The following WNT7A variants were observed in gnomAD, a reference collection of about 807,000 sequenced individuals.
The protein encoded by WNT7A is Wnt family member 7A.
A neutral mutation model predicts 28.2 loss-of-function variants in WNT7A; 16 were observed. The ratio of observed to expected loss-of-function variants is 0.57; its 90% confidence interval spans 0.38 to 0.86. The LOEUF (loss-of-function observed/expected upper bound fraction) is 0.86, where lower values mean the gene tolerates loss of function less well. Among genes scored for constraint, WNT7A ranks in the 40% least tolerant of loss-of-function variants. The probability of loss-of-function intolerance (pLI) is 0.00; values close to 1 mark genes in which losing one functional copy is unlikely to be tolerated. For missense variants in WNT7A, 411 were observed against 489.7 expected, an observed-to-expected ratio of 0.84 and a Z score of 1.52; for synonymous variants, 190 against 195.9, an observed-to-expected ratio of 0.97 and a Z score of 0.25.
intron 3 of WNT7A, among the ~76,000 whole-genome samples, chr3:13,840,429 G>C (rs1021832421): frequency 8.5e-5 from 13 of 152,188 alleles, no homozygotes; most frequent in African/African-American, 3.1e-4. Context: ...GCATAAATAG[G>C]TGCTTAATAA....
chr3:13,879,692 G>C (rs1007831598), intron 1 of WNT7A, 54 bp downstream of exon 1: 1 of 1,583,308 alleles, frequency 6.3e-7, no homozygotes, highest in Admixed American at 1.7e-5. Flanking sequence ...CTCCCTCCCC[G>C]GGCCGTGCCA....
At position 13,825,259 on chromosome 3, in the gene WNT7A, T is replaced by C. The variant is rs181153318; in HGVS notation, c.571-5836A>G. On this transcript the variant is annotated intron_variant, in intron 3 of 3. Transcript: ENST00000285018. ...CTGCCATGTCAGGAAAAAAGTCAGC[T>C]CCTCACAAAGCCTTCCCTGATTGTC... 5.3e-5 allele frequency among the ~76,000 whole-genome samples: 8 copies of C among 152,260 alleles called. No individual in the cohort carries two copies. The East Asian group carries it at 1.5e-3, about 29-fold the overall frequency.
chr3:13,876,116 C>A (rs1695106307), intron 1 of WNT7A, among the ~76,000 whole-genome samples: 1 of 152,192 alleles, frequency 6.6e-6, no homozygotes, highest in Admixed American at 6.5e-5. Context: ...ATCAAGAGGA[C>A]TTCCTTGAGG....
intron 1 of WNT7A, among the ~76,000 whole-genome samples, chr3:13,879,210 T>C (rs2124883060): frequency 6.6e-6 from 1 of 152,308 alleles, no homozygotes; most frequent in East Asian, 1.9e-4. Flanking sequence ...GGTTTATGTT[T>C]TTGCCAGCGA....
chr3:13,868,926 AGAAGGAAGGAAGGAAAAGAGAGAGAATG>A (rs1694978041), intron 2 of WNT7A, among the ~76,000 whole-genome samples: 1 of 147,034 alleles, frequency 6.8e-6, no homozygotes. Context: ...AAGGAAGGAA[AGAAGGAAGGAAGGAAAAGAGAGAGAATG>A]GAAGGAAGGA....
rs1000308996 is a variant in WNT7A, at chr3:13,818,217, C to G, written c.*727G>C. 11 of 115,044 alleles carry G rather than the reference C, an allele frequency of 9.6e-5. No homozygotes were observed. Among genetic ancestry groups the G allele is most frequent in the African/African-American group, 3.1e-4 (11 of 36,038 alleles). The allele number at this position is 115,044 out of a possible 1,614,324, so 7.1% of individuals were successfully genotyped here. ...GCTGGGAATTTATTATTTTTCCTCT[C>G]TATTTATTCCAAACTGGATTTTTCT... On this transcript the variant is annotated 3_prime_UTR_variant, in exon 4 of 4. Coordinates refer to ENST00000285018, the MANE Select transcript of WNT7A (RefSeq NM_004625.4).
At chr3:13,822,859 T>A (rs1281730677) in intron 3 of WNT7A, among the ~76,000 whole-genome samples, 1 of 152,180 alleles carries the variant, frequency 6.6e-6, no homozygotes, top group African/African-American at 2.4e-5. Flanking sequence ...CCCTAAGCAA[T>A]GGCCCTAGTG....
At chr3:13,827,223 T>G (rs1340881192) in intron 3 of WNT7A, among the ~76,000 whole-genome samples, 4 of 152,160 alleles carry the variant, frequency 2.6e-5, no homozygotes, top group Admixed American at 6.5e-5. Flanking sequence ...TCAAGAGGGT[T>G]GCTGGTGAGG....
chr3:13,836,459 T>A (rs185037806), intron 3 of WNT7A, among the ~76,000 whole-genome samples: 3 of 152,346 alleles, frequency 2.0e-5, no homozygotes, highest in Admixed American at 1.3e-4. Flanking sequence ...AGGATTTCAC[T>A]GGTCTCAGGT....
chr3:13,837,714 C>A (rs917966354), intron 3 of WNT7A, among the ~76,000 whole-genome samples: 7 of 152,200 alleles, frequency 4.6e-5, no homozygotes, highest in African/African-American at 1.7e-4. Flanking sequence ...TGCTCTGGAA[C>A]ATGGAGGAAG....
intron 2 of WNT7A, among the ~76,000 whole-genome samples, chr3:13,859,149 T>C (rs567127078): frequency 7.9e-5 from 12 of 152,342 alleles, no homozygotes; most frequent in Admixed American, 2.0e-4. Flanking sequence ...CATTTCACAA[T>C]GTCCTGAAGG....
At position 13,845,083 on chromosome 3, in the gene WNT7A, C is replaced by A. The variant is rs372235721; in HGVS notation, c.570+9449G>T. Among the ~76,000 whole-genome samples the A allele has an allele frequency of 4.9e-3, 742 of 152,346 alleles. 4 individuals are homozygous for A. Among genetic ancestry groups the A allele is most frequent in the Middle Eastern group, 0.017 (5 of 294 alleles). ...GCTCTCAGGGCCTCGCCATGCTGCC[C>A]CCTCCCCATCTCAGGTGAGTTTCAA... On this transcript the variant is annotated intron_variant, in intron 3 of 3. Transcript: ENST00000285018.
chr3:13,821,341 C>T (rs1329498534), intron 3 of WNT7A, among the ~76,000 whole-genome samples: 1 of 152,218 alleles, frequency 6.6e-6, no homozygotes, highest in Non-Finnish European at 1.5e-5. Flanking sequence ...CAACCTGGTA[C>T]ACGTATGTTA....
At chr3:13,842,459 G>A (rs1323082495) in intron 3 of WNT7A, among the ~76,000 whole-genome samples, 1 of 152,130 alleles carries the variant, frequency 6.6e-6, no homozygotes, top group African/African-American at 2.4e-5. Flanking sequence ...TGCAATGTCA[G>A]GGAAGAGATG....
chr3:13,822,891 T>C (rs907980103), intron 3 of WNT7A, among the ~76,000 whole-genome samples: 15 of 152,202 alleles, frequency 9.9e-5, no homozygotes, highest in African/African-American at 2.9e-4. Context: ...TCCTGTGTCC[T>C]GGATGGGGGT....
intron 1 of WNT7A, among the ~76,000 whole-genome samples, chr3:13,876,736 T>TG (rs113255057): frequency 0.27 from 40,492 of 151,728 alleles, 6,582 homozygotes; most frequent in African/African-American, 0.46. Flanking sequence ...CTGTCCTTGC[T>TG]CCTCCTCTCC....
chr3:13,873,224 G>T (rs1347708780), intron 2 of WNT7A, among the ~76,000 whole-genome samples: 2 of 152,042 alleles, frequency 1.3e-5, no homozygotes, highest in African/African-American at 4.8e-5. Flanking sequence ...AGAGGGAAAA[G>T]CAGGGCAGAC....
At chr3:13,825,169 G>A (rs756362039) in intron 3 of WNT7A, among the ~76,000 whole-genome samples, 1 of 152,192 alleles carries the variant, frequency 6.6e-6, no homozygotes, top group Non-Finnish European at 1.5e-5. Flanking sequence ...CCAGTGCCAG[G>A]GGACCAGCTG....
At chr3:13,862,108 A>G (rs1694840462) in intron 2 of WNT7A, among the ~76,000 whole-genome samples, 1 of 152,246 alleles carries the variant, frequency 6.6e-6, no homozygotes, top group South Asian at 2.1e-4. Context: ...CCATCTGTGA[A>G]GTGGGAACCC....
Sources: gnomAD v4.1 joint callset for allele counts (sites outside exome capture counted in the v4.1 genomes callset) on GRCh38, gnomAD v4.1.1 for gene constraint, MANE v1.5 for transcripts, NCBI Gene and HGNC (gene_info 2026-07-23, HGNC 2026-07-21) for gene names.